The following PACC1 variants were observed in gnomAD, a reference collection of about 807,000 sequenced individuals.
The protein encoded by PACC1 is proton-activated chloride channel.
PACC1 carries 34 observed loss-of-function variants against 39.7 expected under a neutral mutation model. That is an observed-to-expected ratio of 0.86 (90% CI 0.65 to 1.14). PACC1 has a LOEUF of 1.14. Ranked by LOEUF, PACC1 falls within the 50% of genes most tolerant of loss-of-function variation. The pLI is 0.00. For missense variants in PACC1, 379 were observed against 436.4 expected, an observed-to-expected ratio of 0.87 and a Z score of 1.17; for synonymous variants, 127 against 160.6, an observed-to-expected ratio of 0.79 and a Z score of 1.58.
chr1:212,383,461 C>T (rs1316755030), intron 4 of PACC1, among the ~76,000 whole-genome samples: 1 of 152,162 alleles, frequency 6.6e-6, no homozygotes, highest in East Asian at 1.9e-4. Context: ...AGACAAAGAG[C>T]TTCTATTATA....
rs568620875 is a variant in PACC1, at chr1:212,382,940, C to T, written c.495+2334G>A. ...ACTTCATGCCAAGAAGGCGTCTCAC[C>T]GGTCCCACCCTGCAGGGTTCCACCA... On this transcript the variant is annotated intron_variant, in intron 4 of 7. Transcript: ENST00000261455. Among the ~76,000 whole-genome samples, 11 of 152,220 alleles carry T rather than the reference C, an allele frequency of 7.2e-5. No individual in the cohort carries two copies. The East Asian group carries it at 9.6e-4, about 13-fold the overall frequency.
chr1:212,370,627 A>C (rs1177224297), intron 7 of PACC1, among the ~76,000 whole-genome samples: 1 of 152,224 alleles, frequency 6.6e-6, no homozygotes, highest in Non-Finnish European at 1.5e-5. Context: ...TAAAACTAGA[A>C]ATCAATAATG....
At chr1:212,373,315 G>A (rs1345409798) in intron 7 of PACC1, among the ~76,000 whole-genome samples, 1 of 151,880 alleles carries the variant, frequency 6.6e-6, no homozygotes, top group Non-Finnish European at 1.5e-5. Context: ...GCAGAAGAAT[G>A]AAACTAGACC....
At chr1:212,414,173 A>T in intron 1 of PACC1, 4 of 1,359,004 alleles carry the variant, frequency 2.9e-6, no homozygotes, top group Non-Finnish European at 3.9e-6. Context: ...GAGGAGCGAG[A>T]ACTAGCAGAG....
At chr1:212,393,504 T>C (rs999517188) in intron 2 of PACC1, among the ~76,000 whole-genome samples, 21 of 152,086 alleles carry the variant, frequency 1.4e-4, no homozygotes, top group African/African-American at 5.1e-4. Context: ...AAAATTGACA[T>C]ACTGACATCA....
At chr1:212,370,678 T>C (rs556095327) in intron 7 of PACC1, among the ~76,000 whole-genome samples, 2 of 152,260 alleles carry the variant, frequency 1.3e-5, no homozygotes, top group Admixed American at 6.5e-5. Context: ...AAATTAAACA[T>C]GATGCTCCTT....
At chr1:212,397,300 A>C (rs1661563864) in intron 2 of PACC1, among the ~76,000 whole-genome samples, 1 of 152,362 alleles carries the variant, frequency 6.6e-6, no homozygotes, top group East Asian at 1.9e-4. Context: ...AGAAAACAGC[A>C]AAATGGTAGA....
At chr1:212,366,430 A>G (rs191469329) in intron 7 of PACC1, among the ~76,000 whole-genome samples, 200 of 151,186 alleles carry the variant, frequency 1.3e-3, no homozygotes, top group African/African-American at 4.2e-3. Context: ...CCTCCCGAGT[A>G]GCTGAGACTA....
intron 7 of PACC1, among the ~76,000 whole-genome samples, chr1:212,371,578 G>C (rs1660461239): frequency 1.3e-5 from 2 of 150,314 alleles, no homozygotes; most frequent in South Asian, 2.1e-4. Flanking sequence ...GCACCTGATG[G>C]CTTCGTTGCT....
chr1:212,401,362 A>T (rs1462601609), intron 2 of PACC1, among the ~76,000 whole-genome samples: 1 of 152,086 alleles, frequency 6.6e-6, no homozygotes, highest in Non-Finnish European at 1.5e-5. Flanking sequence ...GCGGTGGCTC[A>T]CACCTGTAAT....
rs1229499873 is a variant in PACC1, at chr1:212,392,488, T to C, written c.134-5388A>G. On this transcript the variant is annotated intron_variant, in intron 2 of 7. Coordinates refer to ENST00000261455, the MANE Select transcript of PACC1 (RefSeq NM_018252.3). ...ACTGGTACCAGCCACTGCAAAAACA[T>C]GCTAAATTGTAAAGACCATCAATGC... is the stretch of plus-strand genomic sequence containing the variant. Among the ~76,000 whole-genome samples the C allele has an allele frequency of 2.6e-5, 4 of 152,312 alleles. No individual in the cohort carries two copies. The East Asian group carries it at 7.7e-4, about 29-fold the overall frequency.
chr1:212,409,049 C>A (rs1476106189), intron 2 of PACC1, among the ~76,000 whole-genome samples: 1 of 152,196 alleles, frequency 6.6e-6, no homozygotes, highest in Non-Finnish European at 1.5e-5. Flanking sequence ...GTAAGCTGCA[C>A]ATACAAGGGA....
At chr1:212,373,349 A>G (rs1193998365) in intron 7 of PACC1, among the ~76,000 whole-genome samples, 1 of 96,036 alleles carries the variant, frequency 1.0e-5, no homozygotes, top group African/African-American at 4.9e-5. Context: ...ATATAGAAAA[A>G]TCCACTCAAA....
intron 5 of PACC1, among the ~76,000 whole-genome samples, chr1:212,379,531 A>G (rs1279612165): frequency 2.0e-5 from 3 of 152,210 alleles, no homozygotes; most frequent in African/African-American, 4.8e-5. Context: ...TCCTGTGCAC[A>G]CTGTGGGGGA....
rs530427545 is a variant in PACC1, at chr1:212,393,685, G to A, written c.134-6585C>T. Among the ~76,000 whole-genome samples, 105 of 152,160 alleles carry A rather than the reference G, an allele frequency of 6.9e-4. 1 individual carries two copies. Among genetic ancestry groups the A allele is most frequent in the African/African-American group, 2.4e-3 (99 of 41,510 alleles). Reference sequence around the variant, plus strand: ...AAAAGATCAACAAAATTGATAGACAGCTAGCAAGACTAATAAGGAAGAAAA... The same window carrying A: ...AAAAGATCAACAAAATTGATAGACAACTAGCAAGACTAATAAGGAAGAAAA... On this transcript the variant is annotated intron_variant, in intron 2 of 7. Coordinates refer to ENST00000261455, the MANE Select transcript of PACC1 (RefSeq NM_018252.3).
Position 212,385,410 on chromosome 1 carries a change from G to A in PACC1, c.359C>T (p.Pro120Leu). 1.2e-6 allele frequency: 2 copies of A among 1,614,028 alleles called. No homozygotes were observed. Among genetic ancestry groups the A allele is most frequent in the Non-Finnish European group, 1.7e-6 (2 of 1,179,974 alleles). Reference sequence around the variant, plus strand: ...ACAGCTGAGCAACTGGGCCTGACCGGGGTACAAGGCAATACCTGGGGGCAC... The same window carrying A: ...ACAGCTGAGCAACTGGGCCTGACCGAGGTACAAGGCAATACCTGGGGGCAC... The part of the protein sequence containing the change: ...RYDAPGIALY[P>L]GQAQLLSCKH... The change falls in exon 4 of 8, where the codon CCC (proline) becomes CTC (leucine). Residue 120 changes from proline to leucine, a missense_variant. Transcript: ENST00000261455.
intron 2 of PACC1, among the ~76,000 whole-genome samples, chr1:212,390,010 A>G (rs1379689131): frequency 2.0e-5 from 3 of 152,218 alleles, no homozygotes; most frequent in Non-Finnish European, 4.4e-5. Context: ...TTAAATCAAC[A>G]GAAACTATCC....
chr1:212,385,008 T>C (rs1404265900), intron 4 of PACC1, among the ~76,000 whole-genome samples: 2 of 152,264 alleles, frequency 1.3e-5, no homozygotes, highest in East Asian at 3.8e-4. Context: ...CCTGCCATTC[T>C]TCCATTGGGG....
At chr1:212,388,674 G>C (rs1433404934) in intron 2 of PACC1, among the ~76,000 whole-genome samples, 2 of 152,226 alleles carry the variant, frequency 1.3e-5, no homozygotes, top group African/African-American at 4.8e-5. Flanking sequence ...GGCCTCACCA[G>C]AATTCAATCC....
Sources: allele counts gnomAD v4.1 joint callset (sites outside exome capture counted in the v4.1 genomes callset), GRCh38; gene constraint gnomAD v4.1.1; transcripts MANE v1.5; gene names NCBI Gene and HGNC (gene_info 2026-07-23, HGNC 2026-07-21).